The following TMEM38A variants were observed in gnomAD, a reference collection of about 807,000 sequenced individuals.
The protein encoded by TMEM38A is transmembrane protein 38A, also known as trimeric intracellular cation channel type A.
TMEM38A carries 17 observed loss-of-function variants against 28.6 expected under a neutral mutation model. The ratio of observed to expected loss-of-function variants is 0.60; its 90% CI spans 0.41 to 0.89. The LOEUF (loss-of-function observed/expected upper bound fraction) is 0.89, where lower values mean the gene tolerates loss of function less well. TMEM38A is among the 40% of genes least tolerant of loss of function. The pLI is 0.00. For synonymous variants in TMEM38A, 169 were observed against 166.1 expected (o/e 1.02, Z -0.14); for missense variants, 328 against 393.1 (o/e 0.83, Z 1.40).
intron 5 of TMEM38A, among the ~76,000 whole-genome samples, 155 bp from the exon 6 acceptor site, chr19:16,687,989 G>T (rs974473793): frequency 6.6e-6 from 1 of 152,096 alleles, no homozygotes; most frequent in East Asian, 1.9e-4. Flanking sequence ...CATCCTGGGG[G>T]TGCATGCAGC....
intron 1 of TMEM38A, among the ~76,000 whole-genome samples, chr19:16,665,393 G>T (rs879706202): frequency 4.6e-5 from 7 of 152,116 alleles, no homozygotes; most frequent in Non-Finnish European, 1.0e-4. Context: ...GGAAGCTGAG[G>T]TCGGAGGATT....
At chr19:16,684,903 A>T (rs2086795479) in intron 4 of TMEM38A, among the ~76,000 whole-genome samples, 2 of 151,648 alleles carry the variant, frequency 1.3e-5, no homozygotes, top group African/African-American at 4.8e-5. Context: ...TTAAAAATTA[A>T]GCAGGCACAG....
chr19:16,672,747 GC>G (rs1468756029), intron 1 of TMEM38A, among the ~76,000 whole-genome samples: 2 of 152,044 alleles, frequency 1.3e-5, no homozygotes, highest in Admixed American at 1.3e-4. Flanking sequence ...ACTGAGCCCG[GC>G]CATAAGTGTA....
chr19:16,682,260 G>A (rs1376736968), intron 3 of TMEM38A, among the ~76,000 whole-genome samples, 161 bp from the exon 4 acceptor site: 2 of 152,032 alleles, frequency 1.3e-5, no homozygotes, highest in African/African-American at 4.8e-5. Flanking sequence ...TCCTCTCTGA[G>A]CCTCAGTTTC....
In TMEM38A at chr19:16,689,466, G is replaced by T. The variant is rs987404398; in HGVS notation, c.*1095G>T. 2 of 152,216 alleles carry T rather than the reference G, an allele frequency of 1.3e-5. No homozygotes were observed. The highest frequency in any genetic ancestry group is 2.4e-5 in the African/African-American group (1 of 41,448). 9.4% of individuals were successfully genotyped at this position (152,216 alleles called of 1,614,324 possible). ...CCCTCAGTAGACACGTCTAGGGCAG[G>T]CTTGAGAGATCAGATGGCGTGAAAG... On this transcript the variant is annotated 3_prime_UTR_variant, in exon 6 of 6. Coordinates refer to ENST00000187762, the MANE Select transcript of TMEM38A (RefSeq NM_024074.4).
chr19:16,687,477 T>C (rs2086806579), intron 5 of TMEM38A, among the ~76,000 whole-genome samples: 2 of 152,186 alleles, frequency 1.3e-5, no homozygotes, highest in East Asian at 1.9e-4. Context: ...CCTGAGATCA[T>C]GCCATTGCAC....
chr19:16,662,436 C>CT (rs35226829), intron 1 of TMEM38A, among the ~76,000 whole-genome samples: 9,994 of 75,738 alleles, frequency 0.13, 626 homozygotes, highest in African/African-American at 0.22. Flanking sequence ...TAAATGCACG[C>CT]TTTTTTTTTT....
chr19:16,682,851 G>T (rs2086787404), intron 4 of TMEM38A, among the ~76,000 whole-genome samples: 1 of 152,184 alleles, frequency 6.6e-6, no homozygotes, highest in Non-Finnish European at 1.5e-5. Context: ...CGGGGTCAGG[G>T]TACAGGGTAT....
intron 1 of TMEM38A, among the ~76,000 whole-genome samples, chr19:16,673,687 G>A (rs372789917): frequency 6.6e-6 from 1 of 152,180 alleles, no homozygotes; most frequent in African/African-American, 2.4e-5. Context: ...TTCCCCCTGT[G>A]AGGTTGACCA....
Position 16,689,974 on chromosome 19 carries a change from T to C in TMEM38A, c.*1603T>C, listed in dbSNP as rs1231267706. The C allele has an allele frequency of 6.6e-6, 1 of 152,198 alleles. No individual in the cohort carries two copies. Among genetic ancestry groups the C allele is most frequent in the African/African-American group, 2.4e-5 (1 of 41,440 alleles). The allele number at this position is 152,198 out of a possible 1,614,324, so 9.4% of individuals were successfully genotyped here. On this transcript the variant is annotated 3_prime_UTR_variant, in exon 6 of 6. Coordinates refer to ENST00000187762, the MANE Select transcript of TMEM38A (RefSeq NM_024074.4). The stretch of plus-strand genomic sequence containing the variant: ...TGGGGAGGTTTCATCCTCTTGCTTG[T>C]CCACCTCAGCTCGGTGTGGAGGGGC...
intron 1 of TMEM38A, among the ~76,000 whole-genome samples, chr19:16,677,650 C>G (rs1406942951): frequency 6.6e-6 from 1 of 151,628 alleles, no homozygotes; most frequent in Non-Finnish European, 1.5e-5. Flanking sequence ...TCCACCTCAC[C>G]AGCTCAAGTG....
At chr19:16,668,832 C>CTT (rs764301432) in intron 1 of TMEM38A, among the ~76,000 whole-genome samples, 10 of 140,226 alleles carry the variant, frequency 7.1e-5, no homozygotes, top group African/African-American at 1.3e-4. Flanking sequence ...CTTTTTCTTT[C>CTT]TTTTTTTTTT....
At chr19:16,671,223 T>TTTTTTTTTTTTTTTTTTTTGG (rs2086726256) in intron 1 of TMEM38A, among the ~76,000 whole-genome samples, 1 of 122,630 alleles carries the variant, frequency 8.2e-6, no homozygotes, top group African/African-American at 3.4e-5. Context: ...TTTTTTTTTT[T>TTTTTTTTTTTTTTTTTTTTGG]GAGGCGGAGT....
chr19:16,685,574 C>T (rs577621157), intron 4 of TMEM38A, among the ~76,000 whole-genome samples: 4 of 152,290 alleles, frequency 2.6e-5, no homozygotes, highest in Admixed American at 1.3e-4. Flanking sequence ...CCTGGGTATC[C>T]AGGATTTTTA....
chr19:16,661,405 G>T lies in TMEM38A; in HGVS notation c.124+64G>T. ...GTGGCGCGGGCCGGGGCAGCTCGGG[G>T]GTCGCAGAGAGGGGAAGCCCGTGCG... On this transcript the variant is annotated intron_variant, in intron 1 of 5. Transcript: ENST00000187762. This position sits in a 1 kb window ranked among gnomAD's most constrained non-coding sequence, Gnocchi z 6.5. 7.1e-7 allele frequency: 1 copy of T among 1,409,070 alleles called. No homozygotes were observed. The allele number at this position is 1,409,070 out of a possible 1,614,324, so 87.3% of individuals were successfully genotyped here.
At chr19:16,686,792 C>T (rs139129165) in intron 5 of TMEM38A, among the ~76,000 whole-genome samples, 1 of 152,130 alleles carries the variant, frequency 6.6e-6, no homozygotes, top group Non-Finnish European at 1.5e-5. Context: ...CAGGAGGGGT[C>T]TTCAGGGGCT....
intron 1 of TMEM38A, among the ~76,000 whole-genome samples, chr19:16,664,082 G>GACTT (rs1249138170): frequency 1.3e-5 from 2 of 152,228 alleles, no homozygotes; most frequent in Non-Finnish European, 1.5e-5. Flanking sequence ...TTGACTCTAA[G>GACTT]AATCAGTACA....
chr19:16,683,428 A>T (rs1459527668), intron 4 of TMEM38A, among the ~76,000 whole-genome samples: 1 of 148,868 alleles, frequency 6.7e-6, no homozygotes, highest in Non-Finnish European at 1.5e-5. Flanking sequence ...TTCTATATTA[A>T]AAAAAAAAAG....
chr19:16,688,210 G>C lies in TMEM38A; in HGVS notation c.739G>C (p.Val247Leu). The C allele has an allele frequency of 1.3e-6, 2 of 1,571,234 alleles. No homozygotes were observed. The highest frequency in any genetic ancestry group is 1.7e-4 in the Middle Eastern group (1 of 5,864). ...FDALEGYICP[V>L]LFGSACGGDH... ...TGCCCTGGAGGGCTACATCTGCCCCGTGCTGTTTGGTTCGGCCTGCGGGGG... is the reference window on the plus strand; with the variant it reads ...TGCCCTGGAGGGCTACATCTGCCCCCTGCTGTTTGGTTCGGCCTGCGGGGG... Residue 247 changes from valine (V) to leucine (L), a missense_variant, in exon 6 of 6, where the codon GTG becomes CTG. Val to Leu is a conservative substitution (Grantham distance 32). Coordinates refer to ENST00000187762, the MANE Select transcript of TMEM38A (RefSeq NM_024074.4).
Sources: allele counts gnomAD v4.1 joint callset (sites outside exome capture counted in the v4.1 genomes callset), GRCh38; gene constraint gnomAD v4.1.1; non-coding constraint Gnocchi (gnomAD v3.1); transcripts MANE v1.5; gene names NCBI Gene and HGNC (gene_info 2026-07-23, HGNC 2026-07-21).